The following CENPQ variants were observed in gnomAD, a reference collection of about 807,000 sequenced individuals.
CENPQ encodes the protein centromere protein Q.
CENPQ carries 27 observed loss-of-function variants against 36.6 expected under a neutral mutation model. The ratio of observed to expected loss-of-function variants is 0.74; its 90% CI spans 0.54 to 1.02. CENPQ has a LOEUF of 1.02. Among genes scored for constraint, CENPQ ranks in the 50% least tolerant of loss-of-function variants. The pLI is 0.00. For synonymous variants in CENPQ, 101 were observed against 101.7 expected (o/e 0.99, Z 0.04); for missense variants, 306 against 301.8 (o/e 1.01, Z -0.10).
chr6:49,482,972 A>G (rs955625670), intron 6 of CENPQ, among the ~76,000 whole-genome samples: 26 of 152,250 alleles, frequency 1.7e-4, no homozygotes, highest in South Asian at 1.2e-3. Flanking sequence ...TGCAAAGAGC[A>G]AAAGAACAAA....
intron 5 of CENPQ, among the ~76,000 whole-genome samples, chr6:49,477,419 A>G (rs557489005): frequency 1.1e-5 from 1 of 93,668 alleles, no homozygotes; most frequent in Non-Finnish European, 2.1e-5. Context: ...GGGGCCTGTC[A>G]TGGGGTGGGG....
chr6:49,474,094 C>T (rs1186044724), intron 5 of CENPQ, among the ~76,000 whole-genome samples: 2 of 152,110 alleles, frequency 1.3e-5, no homozygotes, highest in African/African-American at 2.4e-5. Context: ...CCACTGTCAA[C>T]ACTAGACAGA....
chr6:49,483,246 G>C (rs1035655462), intron 6 of CENPQ, among the ~76,000 whole-genome samples: 1 of 152,136 alleles, frequency 6.6e-6, no homozygotes, highest in Non-Finnish European at 1.5e-5. Context: ...TGATTGGTGT[G>C]TTTACAAACC....
chr6:49,473,162 A>G lies in CENPQ; in HGVS notation c.347+304A>G, dbSNP rs531295984. 1.6e-4 allele frequency among the ~76,000 whole-genome samples: 24 copies of G among 152,294 alleles called. No individual in the cohort carries two copies. The East Asian group carries it at 4.2e-3, about 27-fold the overall frequency. On this transcript the variant is annotated intron_variant, in intron 5 of 8. Transcript: ENST00000335783. ...TGAACTCCCTTCAACTTCATTTTTA[A>G]TAATTTGAAGTTAATAGTTCACAAC...
In CENPQ at chr6:49,492,056, G is replaced by C; in HGVS notation, c.676-88G>C. 4 of 1,016,438 alleles carry C rather than the reference G, an allele frequency of 3.9e-6. No individual in the cohort carries two copies. In the South Asian group the frequency reaches 4.7e-5, roughly 12 times the overall value. 63.0% of individuals were successfully genotyped at this position (1,016,438 alleles called of 1,614,324 possible). ...TTGAAGTTGGATGATAGATACTTAA[G>C]GTTTATTTTACTGTTCTCTCTAACA... is the stretch of plus-strand genomic sequence containing the variant. On this transcript the variant is annotated intron_variant, in intron 8 of 8. Transcript: ENST00000335783.
chr6:49,485,851 C>T (rs1318677405), intron 6 of CENPQ, among the ~76,000 whole-genome samples: 1 of 150,912 alleles, frequency 6.6e-6, no homozygotes, highest in African/African-American at 2.4e-5. Flanking sequence ...TAGTAATACC[C>T]AAAGATAACC....
intron 8 of CENPQ, among the ~76,000 whole-genome samples, chr6:49,489,236 C>G (rs997536516): frequency 6.6e-6 from 1 of 152,190 alleles, no homozygotes; most frequent in African/African-American, 2.4e-5. Flanking sequence ...TTGTCATATA[C>G]TATATCCTTC....
intron 6 of CENPQ, among the ~76,000 whole-genome samples, chr6:49,481,875 G>A (rs1768438868): frequency 6.6e-6 from 1 of 152,130 alleles, no homozygotes; most frequent in African/African-American, 2.4e-5. Context: ...ATGGAGCAGG[G>A]GGCAGCACTC....
intron 2 of CENPQ, among the ~76,000 whole-genome samples, chr6:49,470,493 C>T (rs1179889143): frequency 6.6e-6 from 1 of 151,396 alleles, no homozygotes; most frequent in Non-Finnish European, 1.5e-5. Context: ...GTGGTGCACA[C>T]CTGTAATCTC....
intron 5 of CENPQ, among the ~76,000 whole-genome samples, chr6:49,476,700 C>G (rs1157691191): frequency 6.6e-6 from 1 of 152,130 alleles, no homozygotes; most frequent in African/African-American, 2.4e-5. Flanking sequence ...TATCCAGAAT[C>G]TACAATGAAC....
chr6:49,492,348 T>C lies in CENPQ; in HGVS notation c.*73T>C. 2 of 1,335,006 alleles carry C rather than the reference T, an allele frequency of 1.5e-6. No homozygotes were observed. The highest frequency in any genetic ancestry group is 1.4e-5 in the South Asian group (1 of 69,378). The allele number at this position is 1,335,006 out of a possible 1,614,324, so 82.7% of individuals were successfully genotyped here. A position where few individuals can be genotyped will look rare whatever the true frequency, so the allele number is the denominator to read the frequency against. On this transcript the variant is annotated 3_prime_UTR_variant, in exon 9 of 9. Transcript: ENST00000335783. Reference sequence around the variant, plus strand: ...ATTTGTAAAACTGTTAACCTATGATTATATGTACAGAGGCTAAGGCTTCTG... The same window carrying C: ...ATTTGTAAAACTGTTAACCTATGATCATATGTACAGAGGCTAAGGCTTCTG...
chr6:49,468,287 G>A (rs1261017941), intron 1 of CENPQ, among the ~76,000 whole-genome samples: 2 of 151,876 alleles, frequency 1.3e-5, no homozygotes, highest in Admixed American at 6.6e-5. Context: ...CTATGGTGGT[G>A]GCTGGGTTAT....
At chr6:49,475,147 G>A (rs1053139064) in intron 5 of CENPQ, among the ~76,000 whole-genome samples, 6 of 151,332 alleles carry the variant, frequency 4.0e-5, no homozygotes, top group Admixed American at 6.6e-5. Flanking sequence ...ATTTTAGACC[G>A]ATATCCCTGA....
At position 49,471,177 on chromosome 6, in the gene CENPQ, G is replaced by A. The variant is rs538410286; in HGVS notation, c.157+149G>A. ...CATTTTTGTAAGAATATGTAGTAGT[G>A]GTTAGTTATTTTGGTCAACTGAAAT... On this transcript the variant is annotated intron_variant, in intron 3 of 8. Transcript: ENST00000335783. 3.9e-5 allele frequency: 17 copies of A among 438,922 alleles called. 1 individual carries two copies. The highest frequency in any genetic ancestry group is 4.8e-4 in the Middle Eastern group (1 of 2,074). 27.2% of individuals were successfully genotyped at this position (438,922 alleles called of 1,614,324 possible).
intron 1 of CENPQ, among the ~76,000 whole-genome samples, chr6:49,467,744 A>C (rs1451358696): frequency 6.6e-6 from 1 of 152,216 alleles, no homozygotes; most frequent in African/African-American, 2.4e-5. Context: ...CCAAGCTATA[A>C]ATAAGTACCA....
At chr6:49,468,023 A>C (rs190578147) in intron 1 of CENPQ, among the ~76,000 whole-genome samples, 1 of 152,196 alleles carries the variant, frequency 6.6e-6, no homozygotes, top group African/African-American at 2.4e-5. Flanking sequence ...GGTAAGGACT[A>C]AAAATGGCAT....
intron 3 of CENPQ, among the ~76,000 whole-genome samples, chr6:49,471,427 C>A (rs1768131235): frequency 6.6e-6 from 1 of 152,120 alleles, no homozygotes; most frequent in South Asian, 2.1e-4. Flanking sequence ...AGAGTAGTTG[C>A]CTTTGCTTAA....
At position 49,487,153 on chromosome 6, in the gene CENPQ, CAA is replaced by C; in HGVS notation, c.478-1184_478-1183del. On this transcript the variant is annotated intron_variant, in intron 6 of 8. Coordinates refer to ENST00000335783, the MANE Select transcript of CENPQ (RefSeq NM_018132.4). Reference sequence around the variant, plus strand: ...GGGCAACAAGAGCAAAACTCCATCTCAAAAAAAAAAAAAAAATAAAAAAAATA... The same window carrying C: ...GGGCAACAAGAGCAAAACTCCATCTCAAAAAAAAAAAAAATAAAAAAAATA... Among the ~76,000 whole-genome samples the C allele has an allele frequency of 7.4e-3, 5 of 680 alleles. 2 individuals are homozygous for C. The highest frequency in any genetic ancestry group is 0.01 in the African/African-American group (5 of 500). The allele number at this position is 680 out of a possible 152,430, so 0.4% of individuals were successfully genotyped here.
intron 8 of CENPQ, among the ~76,000 whole-genome samples, chr6:49,490,066 A>C (rs1177592045): frequency 1.3e-5 from 2 of 152,230 alleles, no homozygotes; most frequent in Non-Finnish European, 2.9e-5. Flanking sequence ...GAGCCTAACA[A>C]AAGCATCTCC....
Sources: allele counts gnomAD v4.1 joint callset (sites outside exome capture counted in the v4.1 genomes callset), GRCh38; gene constraint gnomAD v4.1.1; transcripts MANE v1.5; gene names NCBI Gene and HGNC (gene_info 2026-07-23, HGNC 2026-07-21).